The following PRR5L variants were observed in gnomAD, a reference collection of about 807,000 sequenced individuals.
PRR5L encodes proline rich 5 like.
PRR5L carries 21 observed loss-of-function variants against 36.4 expected under a neutral mutation model. The observed-to-expected ratio is 0.58, with a 90% CI of 0.41 to 0.83. The LOEUF is 0.83. Ranked by LOEUF, PRR5L falls within the 40% of genes least tolerant of loss-of-function variation. The pLI, the probability that PRR5L is intolerant of heterozygous loss-of-function variation, is 0.00. For missense variants in PRR5L, 381 were observed against 473.3 expected (o/e 0.80, Z 1.81); for synonymous variants, 188 against 197.0 (o/e 0.95, Z 0.38).
chr11:36,366,484 T>C (rs1472609986), intron 1 of PRR5L, among the ~76,000 whole-genome samples: 1 of 152,108 alleles, frequency 6.6e-6, no homozygotes, highest in African/African-American at 2.4e-5. Context: ...ATAATGTAAA[T>C]TCTATTTTGC....
chr11:36,318,301 T>A (rs1856578436), intron 1 of PRR5L, among the ~76,000 whole-genome samples: 1 of 152,208 alleles, frequency 6.6e-6, no homozygotes, highest in African/African-American at 2.4e-5. Context: ...AGGGTTCTAT[T>A]TACCTATCTT....
intron 1 of PRR5L, among the ~76,000 whole-genome samples, chr11:36,345,833 C>T (rs1416420542): frequency 6.6e-6 from 1 of 152,188 alleles, no homozygotes; most frequent in African/African-American, 2.4e-5. Flanking sequence ...AGCTGGGAAG[C>T]GTCTAGGTGA....
intron 1 of PRR5L, among the ~76,000 whole-genome samples, chr11:36,298,316 C>A (rs968589029): frequency 1.1e-4 from 17 of 152,124 alleles, no homozygotes; most frequent in Admixed American, 6.5e-5. Flanking sequence ...TTATTGAGAA[C>A]CTTATTTATA....
At chr11:36,363,971 T>C (rs879413895) in intron 1 of PRR5L, among the ~76,000 whole-genome samples, 9 of 152,330 alleles carry the variant, frequency 5.9e-5, no homozygotes, top group South Asian at 4.1e-4. Context: ...CCACTGGTCT[T>C]GGGAGGGTAT....
At chr11:36,308,299 G>T (rs1354258216) in intron 1 of PRR5L, among the ~76,000 whole-genome samples, 1 of 152,202 alleles carries the variant, frequency 6.6e-6, no homozygotes, top group Non-Finnish European at 1.5e-5. Flanking sequence ...TGAGGATGGA[G>T]AATATAAGTC....
intron 1 of PRR5L, among the ~76,000 whole-genome samples, chr11:36,307,400 A>T (rs1035448680): frequency 6.6e-6 from 1 of 152,194 alleles, no homozygotes; most frequent in South Asian, 2.1e-4. Context: ...ATCAACAAGG[A>T]TATTTTATTA....
chr11:36,324,065 T>C (rs1371963564), intron 1 of PRR5L, among the ~76,000 whole-genome samples: 1 of 152,148 alleles, frequency 6.6e-6, no homozygotes, highest in Non-Finnish European at 1.5e-5. Flanking sequence ...CCAAGAGAAA[T>C]GGGTGTATAT....
chr11:36,394,746 C>T (rs1359576587), intron 1 of PRR5L, among the ~76,000 whole-genome samples: 3 of 152,190 alleles, frequency 2.0e-5, no homozygotes, highest in African/African-American at 7.2e-5. Context: ...TTATGGCCCA[C>T]CTGGATAATC....
intron 1 of PRR5L, among the ~76,000 whole-genome samples, chr11:36,330,940 G>A (rs1032160347): frequency 1.3e-5 from 2 of 152,002 alleles, no homozygotes; most frequent in African/African-American, 4.8e-5. Flanking sequence ...TGAGTAGCTG[G>A]GATTACAGAC....
chr11:36,434,189 G>A (rs1006227501), intron 5 of PRR5L, among the ~76,000 whole-genome samples: 2 of 152,128 alleles, frequency 1.3e-5, no homozygotes, highest in African/African-American at 4.8e-5. Flanking sequence ...CACCAGGCCT[G>A]GCATATTCTC....
chr11:36,377,144 C>T lies in PRR5L; in HGVS notation c.-125-23853C>T, dbSNP rs559429815. ...GACCCCGCTTAAGCACGGGAGATTT[C>T]GCGCCTGCAGCAGCCTTTTCCCGGC... On this transcript the variant is annotated intron_variant, in intron 1 of 8. Transcript: ENST00000530639. The surrounding 1 kb of genome is among the most constrained non-coding windows in gnomAD (Gnocchi z 5.1). Among the ~76,000 whole-genome samples the T allele has an allele frequency of 5.3e-5, 8 of 152,318 alleles. No individual in the cohort carries two copies. The East Asian group carries it at 1.5e-3, about 29-fold the overall frequency.
At chr11:36,380,606 T>C (rs1390764655) in intron 1 of PRR5L, 1 of 152,188 alleles carries the variant, frequency 6.6e-6, no homozygotes, top group Non-Finnish European at 1.5e-5. Flanking sequence ...ATTACCTAAA[T>C]TGGATTAAGT....
At chr11:36,378,757 T>C (rs1409991086) in intron 1 of PRR5L, among the ~76,000 whole-genome samples, 4 of 152,222 alleles carry the variant, frequency 2.6e-5, no homozygotes, top group Non-Finnish European at 5.9e-5. Context: ...TCTTAAACTT[T>C]GCACTGAGAG....
At chr11:36,416,741 C>A (rs1333721338) in intron 3 of PRR5L, among the ~76,000 whole-genome samples, 1 of 152,158 alleles carries the variant, frequency 6.6e-6, no homozygotes, top group African/African-American at 2.4e-5. Context: ...TTGGCTGTGG[C>A]TTGCTGCACC....
intron 1 of PRR5L, among the ~76,000 whole-genome samples, chr11:36,397,108 C>T (rs1220525153): frequency 6.8e-6 from 1 of 146,576 alleles, no homozygotes; most frequent in African/African-American, 2.5e-5. Flanking sequence ...TGCTCTGTTG[C>T]CCAGGCTGGA....
intron 8 of PRR5L, among the ~76,000 whole-genome samples, chr11:36,456,355 C>G (rs1859058328): frequency 6.6e-6 from 1 of 152,210 alleles, no homozygotes; most frequent in South Asian, 2.1e-4. Context: ...CTCAGCCTCT[C>G]CCTTACACTG....
At chr11:36,451,142 G>A in intron 7 of PRR5L, 67 bp from the exon 8 acceptor site, 3 of 1,579,590 alleles carry the variant, frequency 1.9e-6, no homozygotes, top group South Asian at 2.3e-5. Context: ...AGGATTTGTT[G>A]AGTGAGAACC....
intron 1 of PRR5L, among the ~76,000 whole-genome samples, chr11:36,347,103 C>T (rs2133485011): frequency 6.6e-6 from 1 of 152,282 alleles, no homozygotes; most frequent in Middle Eastern, 3.4e-3. Context: ...TAAGAATAGG[C>T]TCCAAACTAT....
At chr11:36,306,436 A>T (rs1231931838) in intron 1 of PRR5L, among the ~76,000 whole-genome samples, 1 of 152,150 alleles carries the variant, frequency 6.6e-6, no homozygotes, top group Non-Finnish European at 1.5e-5. Context: ...ATGGCTGCAT[A>T]GTATTTCATG....
Sources: gnomAD v4.1 joint callset for allele counts (sites outside exome capture counted in the v4.1 genomes callset) on GRCh38, gnomAD v4.1.1 for gene constraint, Gnocchi (gnomAD v3.1) non-coding constraint, MANE v1.5 for transcripts, NCBI Gene and HGNC (gene_info 2026-07-23, HGNC 2026-07-21) for gene names.